The following PKHD1 variants were observed in gnomAD, a reference collection of about 807,000 sequenced individuals.
PKHD1 encodes PKHD1 ciliary IPT domain containing fibrocystin/polyductin, also known as fibrocystin.
PKHD1 carries 291 observed loss-of-function variants against 412.0 expected under a neutral mutation model. The ratio of observed to expected loss-of-function variants is 0.71; its 90% CI spans 0.64 to 0.78. The LOEUF is 0.78. Among genes scored for constraint, PKHD1 ranks in the 30% least tolerant of loss-of-function variants. PKHD1 has a pLI of 0.00. For synonymous variants in PKHD1, 1,777 were observed against 1,821.5 expected (o/e 0.98, Z 0.62); for missense variants, 4,825 against 4,950.7 (o/e 0.97, Z 0.76).
chr6:51,722,530 C>T (rs1227810428), intron 60 of PKHD1, among the ~76,000 whole-genome samples: 2 of 152,092 alleles, frequency 1.3e-5, no homozygotes, highest in Non-Finnish European at 2.9e-5. Flanking sequence ...TAACCAGAGG[C>T]TTATTTTCCA....
chr6:52,066,004 A>G lies in PKHD1; in HGVS notation c.852T>C (p.Phe284=). The G allele has an allele frequency of 6.3e-7, 1 of 1,593,306 alleles. No homozygotes were observed. ...CAATGGTAACCTGGGCAGAATTGTC[A>G]AAAAAGTCTCCTGTAATTGTGATGT... The part of the protein sequence containing the change: ...RTNITITGDF[F]DNSAQVTIAG... Residue 284 remains phenylalanine (F), a synonymous_variant, in exon 12 of 67, where the codon TTT becomes TTC. Coordinates refer to ENST00000371117, the MANE Select transcript of PKHD1 (RefSeq NM_138694.4).
intron 10 of PKHD1, among the ~76,000 whole-genome samples, chr6:52,069,919 TA>T (rs1479139081): frequency 3.3e-5 from 5 of 152,324 alleles, no homozygotes; most frequent in African/African-American, 1.2e-4. Flanking sequence ...AGGCAATTAT[TA>T]TCAATTAGAC....
chr6:52,043,836 G>T (rs188104993), intron 25 of PKHD1, 106 bp from the exon 26 acceptor site: 3 of 748,972 alleles, frequency 4.0e-6, no homozygotes, highest in Admixed American at 2.0e-5. Context: ...TTCATGATTC[G>T]CTAATTCTTA....
At chr6:51,724,749 G>A (rs910692952) in intron 60 of PKHD1, among the ~76,000 whole-genome samples, 23 of 152,124 alleles carry the variant, frequency 1.5e-4, no homozygotes, top group African/African-American at 5.3e-4. Flanking sequence ...TCTTGAGTGA[G>A]GAGTGTATCA....
At position 51,874,911 on chromosome 6, in the gene PKHD1, G is replaced by A. The variant is rs558024705; in HGVS notation, c.7351-4272C>T. Among the ~76,000 whole-genome samples, 5 of 87,194 alleles carry A rather than the reference G, an allele frequency of 5.7e-5. 2 individuals are homozygous for A. Among genetic ancestry groups the A allele is most frequent in the Non-Finnish European group, 1.0e-4 (5 of 47,666 alleles). The allele number at this position is 87,194 out of a possible 152,430, so 57.2% of individuals were successfully genotyped here. On this transcript the variant is annotated intron_variant, in intron 46 of 66. Transcript: ENST00000371117. ...GCGCAGGCCAGTGTGTGTGCGCACC[G>A]TGCGCGAGCCGAAGCAGGGCGAGGC...
Position 51,856,086 on chromosome 6 carries a change from A to G in PKHD1, c.7734-16T>C. 6.6e-7 allele frequency: 1 copy of G among 1,512,834 alleles called. No individual in the cohort carries two copies. The highest frequency in any genetic ancestry group is 9.2e-7 in the Non-Finnish European group (1 of 1,089,894). The allele number at this position is 1,512,834 out of a possible 1,614,324, so 93.7% of individuals were successfully genotyped here. A position where few individuals can be genotyped will look rare whatever the true frequency, so the allele number is the denominator to read the frequency against. On this transcript the variant is annotated splice_polypyrimidine_tract_variant and intron_variant, in intron 48 of 66. Transcript: ENST00000371117. ...AGTATTCGCTCTAAGGTGATTTTAA[A>G]AGGAAAAAAAATGGGTTGAGAGATT... is the stretch of plus-strand genomic sequence containing the variant.
At position 52,056,688 on chromosome 6, in the gene PKHD1, C is replaced by T. The variant is rs886061621; in HGVS notation, c.1693+10G>A. ...GAAAAAGACAATCAGAATGAAGCCA[C>T]GGACAGCACCTCGTTCAAATCCAAG... On this transcript the variant is annotated intron_variant, in intron 18 of 66. Transcript: ENST00000371117. 1.0e-5 allele frequency: 16 copies of T among 1,597,652 alleles called. 1 individual carries two copies. The highest frequency in any genetic ancestry group is 3.3e-4 in the Middle Eastern group (2 of 6,038).
At chr6:51,733,047 C>T (rs1783412524) in intron 60 of PKHD1, among the ~76,000 whole-genome samples, 1 of 152,086 alleles carries the variant, frequency 6.6e-6, no homozygotes. Context: ...ATATGAGGTA[C>T]TTAAGGGTAG....
At chr6:51,800,131 G>A (rs1013613726) in intron 52 of PKHD1, among the ~76,000 whole-genome samples, 10 of 152,126 alleles carry the variant, frequency 6.6e-5, no homozygotes, top group Non-Finnish European at 1.2e-4. Context: ...CCCCCCAAAG[G>A]GGCTCAGGAC....
intron 48 of PKHD1, among the ~76,000 whole-genome samples, chr6:51,865,764 C>T (rs1414041232): frequency 6.6e-6 from 1 of 152,174 alleles, no homozygotes; most frequent in African/African-American, 2.4e-5. Context: ...GGGCAAATAG[C>T]ACAACAAATT....
At chr6:51,765,536 C>T (rs967403010) in intron 55 of PKHD1, among the ~76,000 whole-genome samples, 7 of 152,076 alleles carry the variant, frequency 4.6e-5, no homozygotes, top group African/African-American at 1.7e-4. Context: ...AGCTGGTTCC[C>T]ACCCATCCTT....
At chr6:52,079,791 T>A (rs1424433493) in intron 5 of PKHD1, 109 bp downstream of exon 5, 2 of 778,718 alleles carry the variant, frequency 2.6e-6, no homozygotes, top group Non-Finnish European at 4.8e-6. Flanking sequence ...CACCATTTTC[T>A]TTTAACCCGG....
At chr6:51,631,309 G>A (rs773585721) in intron 65 of PKHD1, among the ~76,000 whole-genome samples, 1 of 152,164 alleles carries the variant, frequency 6.6e-6, no homozygotes, top group South Asian at 2.1e-4. Context: ...AAGGCAGAAC[G>A]AGGTCAAGAT....
Position 51,748,033 on chromosome 6 carries a change from T to C in PKHD1, c.9583A>G (p.Lys3195Glu). 6.2e-7 allele frequency: 1 copy of C among 1,614,098 alleles called. No individual in the cohort carries two copies. Among genetic ancestry groups the C allele is most frequent in the Non-Finnish European group, 8.5e-7 (1 of 1,179,990 alleles). ...VFSAPQNSVK[K>E]VQIVLRNSVI... ...GAATTCCTAAGCACAATCTGCACTT[T>C]TTTGACGGAATTTTGTGGAGCAGAA... The change falls in exon 58 of 67, where the codon AAA (lysine) becomes GAA (glutamate). Residue 3195 changes from lysine (K) to glutamate (E), a missense_variant. Coordinates refer to ENST00000371117, the MANE Select transcript of PKHD1 (RefSeq NM_138694.4).
At chr6:51,851,189 C>T (rs997836030) in intron 49 of PKHD1, among the ~76,000 whole-genome samples, 23 of 151,904 alleles carry the variant, frequency 1.5e-4, no homozygotes, top group African/African-American at 5.1e-4. Context: ...GTTTATGTGA[C>T]GGATTATGTT....
rs1474207292 is a variant in PKHD1, at chr6:51,967,652, GTA to G, written c.5752-7628_5752-7627del. 8.1e-3 allele frequency among the ~76,000 whole-genome samples: 880 copies of G among 109,090 alleles called. 15 individuals are homozygous for G. Among genetic ancestry groups the G allele is most frequent in the African/African-American group, 0.024 (831 of 34,534 alleles). 71.6% of individuals were successfully genotyped at this position (109,090 alleles called of 152,430 possible). The stretch of plus-strand genomic sequence containing the variant: ...AGTGTGGGAAGTTGTGTGTGTGTGT[GTA>G]TGTGTGTGTGTGTGTGTGTGTGTAT... On this transcript the variant is annotated intron_variant, in intron 35 of 66. Transcript: ENST00000371117.
chr6:51,929,365 A>G (rs1321234930), intron 37 of PKHD1, among the ~76,000 whole-genome samples: 1 of 152,178 alleles, frequency 6.6e-6, no homozygotes, highest in African/African-American at 2.4e-5. Context: ...TAACAGTGGA[A>G]CTCTTTCTTC....
intron 24 of PKHD1, among the ~76,000 whole-genome samples, chr6:52,045,317 T>C (rs1182859576): frequency 6.6e-6 from 1 of 152,034 alleles, no homozygotes; most frequent in African/African-American, 2.4e-5. Context: ...CCAAAAGAGG[T>C]ACAATAAATC....
At chr6:51,636,265 C>T (rs1768553794) in intron 64 of PKHD1, among the ~76,000 whole-genome samples, 1 of 152,072 alleles carries the variant, frequency 6.6e-6, no homozygotes, top group South Asian at 2.1e-4. Context: ...CTGCTTGATT[C>T]ATGAATGAAT....
Sources: gnomAD v4.1 joint callset for allele counts (sites outside exome capture counted in the v4.1 genomes callset) on GRCh38, gnomAD v4.1.1 for gene constraint, MANE v1.5 for transcripts, NCBI Gene and HGNC (gene_info 2026-07-23, HGNC 2026-07-21) for gene names.